The following ZBTB43 variants were observed in gnomAD, a reference collection of about 807,000 sequenced individuals.
The protein encoded by ZBTB43 is zinc finger and BTB domain-containing protein 43.
Under a neutral mutation model 31.1 loss-of-function variants are expected in ZBTB43, and 6 were observed. The ratio of observed to expected loss-of-function variants is 0.19; its 90% CI spans 0.11 to 0.38. The LOEUF (loss-of-function observed/expected upper bound fraction) is 0.38. ZBTB43 is among the 10% of genes least tolerant of loss of function. ZBTB43 has a pLI of 1.00. For missense variants in ZBTB43, 379 were observed against 602.1 expected (o/e 0.63, Z 3.88); for synonymous variants, 212 against 221.7 (o/e 0.96, Z 0.39).
At chr9:126,832,384 G>A in intron 2 of ZBTB43, 103 bp from the exon 3 acceptor site, 1 of 1,130,826 alleles carries the variant, frequency 8.8e-7, no homozygotes, top group Non-Finnish European at 1.2e-6. Context: ...CCATAGGCTA[G>A]AGGACTTTGT....
rs200997109 is a variant in ZBTB43, at chr9:126,832,656, C to T, written c.147C>T (p.Ala49=). Residue 49 remains alanine, a synonymous_variant, in exon 3 of 3, where the codon GCC becomes GCT. Transcript: ENST00000373464. ...GCCACATTTTCCGGGCACACAAAGC[C>T]GTTCTTGCTGCCAGTTCACCCTACT... ...VQGHIFRAHK[A]VLAASSPYFC... is the part of the protein sequence containing the mutation. The T allele has an allele frequency of 2.1e-5, 34 of 1,614,138 alleles. No homozygotes were observed. Among genetic ancestry groups the T allele is most frequent in the South Asian group, 5.5e-5 (5 of 91,080 alleles).
intron 2 of ZBTB43, among the ~76,000 whole-genome samples, chr9:126,817,612 A>T (rs2032417402): frequency 6.6e-6 from 1 of 151,844 alleles, no homozygotes; most frequent in Admixed American, 6.6e-5. Flanking sequence ...AGCAGCTGGG[A>T]CTACAGGTGC....
At chr9:126,817,943 T>C (rs552531925) in intron 2 of ZBTB43, among the ~76,000 whole-genome samples, 225 of 152,250 alleles carry the variant, frequency 1.5e-3, no homozygotes, top group African/African-American at 5.2e-3. Flanking sequence ...AAATGCCATA[T>C]TCACCCAAAG....
chr9:126,832,351 T>C, intron 2 of ZBTB43, 136 bp from the exon 3 acceptor site: 1 of 781,100 alleles, frequency 1.3e-6, no homozygotes, highest in South Asian at 1.9e-5. Flanking sequence ...GCTCTAGGGA[T>C]TGAATCCCTT....
rs9792658 is a variant in ZBTB43, at chr9:126,817,947, C to T, written c.-24+9032C>T. 0.022 allele frequency among the ~76,000 whole-genome samples: 3,317 copies of T among 152,060 alleles called. 425 individuals are homozygous for T. The East Asian group carries it at 0.38, about 17-fold the overall frequency. On this transcript the variant is annotated intron_variant, in intron 2 of 2. Coordinates refer to ENST00000373464, the MANE Select transcript of ZBTB43 (RefSeq NM_014007.4). ...AGAATATGGAGAAATGCCATATTCA[C>T]CCAAAGTTAAGGGCAAGGATTTTTG...
In ZBTB43 at chr9:126,834,167, C is replaced by G; in HGVS notation, c.*254C>G. 2.7e-6 allele frequency: 1 copy of G among 375,052 alleles called. No homozygotes were observed. The highest frequency in any genetic ancestry group is 5.0e-6 in the Non-Finnish European group (1 of 198,888). The allele number at this position is 375,052 out of a possible 1,614,324, so 23.2% of individuals were successfully genotyped here. ...CCGCCCAGCTGGCAAGGGAAACCTT[C>G]TGACTGGTTGTGATCGAAACAGGTG... On this transcript the variant is annotated 3_prime_UTR_variant, in exon 3 of 3. Transcript: ENST00000373464.
Position 126,838,171 on chromosome 9 carries a change from T to TTG in ZBTB43, c.*4258_*4259insTG, listed in dbSNP as rs941366886. 1.2e-5 allele frequency: 2 copies of TTG among 164,530 alleles called. No individual in the cohort carries two copies. Among genetic ancestry groups the TTG allele is most frequent in the African/African-American group, 4.8e-5 (2 of 41,476 alleles). 10.2% of individuals were successfully genotyped at this position (164,530 alleles called of 1,614,324 possible). A position where few individuals can be genotyped will look rare whatever the true frequency, so the allele number is the denominator to read the frequency against. ...ATAGAAGAGATCATGCCCTTTTGTATGACATGTTTTAATAAATGTTATCTG... is the reference window on the plus strand; with the variant it reads ...ATAGAAGAGATCATGCCCTTTTGTATTGGACATGTTTTAATAAATGTTATCTG... On this transcript the variant is annotated 3_prime_UTR_variant, in exon 3 of 3. Transcript: ENST00000373464.
intron 2 of ZBTB43, among the ~76,000 whole-genome samples, chr9:126,828,629 AAATAATAATAAT>A (rs369536989): frequency 1.4e-5 from 2 of 141,108 alleles, no homozygotes; most frequent in African/African-American, 5.3e-5. Context: ...CCCCATCTCT[AAATAATAATAAT>A]AATAATAATA....
chr9:126,834,281 C>G lies in ZBTB43; in HGVS notation c.*368C>G, dbSNP rs1331160820. ...TTTGGATCACTCATTATTACAAGGT[C>G]ATGCTGAAATTTTATTTTGCTCTTG... On this transcript the variant is annotated 3_prime_UTR_variant, in exon 3 of 3. Coordinates refer to ENST00000373464, the MANE Select transcript of ZBTB43 (RefSeq NM_014007.4). 1 of 189,058 alleles carries G rather than the reference C, an allele frequency of 5.3e-6. No individual in the cohort carries two copies. Among genetic ancestry groups the G allele is most frequent in the African/African-American group, 2.4e-5 (1 of 42,242 alleles). The allele number at this position is 189,058 out of a possible 1,614,324, so 11.7% of individuals were successfully genotyped here. A position where few individuals can be genotyped will look rare whatever the true frequency, so the allele number is the denominator to read the frequency against.
rs1438006963 is a variant in ZBTB43, at chr9:126,833,234, G to A, written c.725G>A (p.Arg242His). 10 of 1,613,584 alleles carry A rather than the reference G, an allele frequency of 6.2e-6. No individual in the cohort carries two copies. Among genetic ancestry groups the A allele is most frequent in the Middle Eastern group, 1.6e-4 (1 of 6,062 alleles). The stretch of plus-strand genomic sequence containing the variant: ...AAGCCCAGCATCATGGCTCACAAAC[G>A]CTGGATCCACGTGAAGCCCGAGCGC... ...YSKPSIMAHK[R>H]WIHVKPERLE... The change falls in exon 3 of 3, where the codon CGC (arginine) becomes CAC (histidine). Residue 242 changes from arginine (R) to histidine (H), a missense_variant. Physicochemically the swap from Arg to His is conservative, Grantham distance 29 (BLOSUM62 0). This residue lies in a region of ZBTB43 where 253 missense variants were observed against 322.3 expected (regional missense o/e 0.79). Coordinates refer to ENST00000373464, the MANE Select transcript of ZBTB43 (RefSeq NM_014007.4). The surrounding 1 kb of genome is among the most constrained non-coding windows in gnomAD (Gnocchi z 7.9).
intron 1 of ZBTB43, among the ~76,000 whole-genome samples, chr9:126,806,385 C>T (rs1446437280): frequency 3.3e-5 from 5 of 152,200 alleles, no homozygotes; most frequent in African/African-American, 9.7e-5. Context: ...AAATAAACCA[C>T]ACACAAAAGG....
At chr9:126,814,449 T>A (rs1315996621) in intron 2 of ZBTB43, among the ~76,000 whole-genome samples, 2 of 151,508 alleles carry the variant, frequency 1.3e-5, no homozygotes, top group African/African-American at 2.4e-5. Flanking sequence ...TTTTTTTTTT[T>A]AAACTTTTGA....
chr9:126,809,099 T>C (rs1333979416), intron 2 of ZBTB43, among the ~76,000 whole-genome samples, 184 bp downstream of exon 2: 1 of 152,258 alleles, frequency 6.6e-6, no homozygotes, highest in Non-Finnish European at 1.5e-5. Flanking sequence ...TTTGCACTGA[T>C]AGAACATTTA....
rs1260943536 is a variant in ZBTB43 at position 126,835,451 on chromosome 9, AAAT to A, written c.*1542_*1544del. On this transcript the variant is annotated 3_prime_UTR_variant, in exon 3 of 3. Transcript: ENST00000373464. ...TAGAAACTTTTTTTTCTTAAAATAA[AAAT>A]AATTTTTCTTGGATTTGGGGTGAAA... is the stretch of plus-strand genomic sequence containing the variant. 6.0e-6 allele frequency: 1 copy of A among 166,978 alleles called. No individual in the cohort carries two copies. The highest frequency in any genetic ancestry group is 2.4e-5 in the African/African-American group (1 of 41,428). The allele number at this position is 166,978 out of a possible 1,614,324, so 10.3% of individuals were successfully genotyped here.
rs534432749 is a variant in ZBTB43 at position 126,837,173 on chromosome 9, G to C, written c.*3260G>C. On this transcript the variant is annotated 3_prime_UTR_variant, in exon 3 of 3. Transcript: ENST00000373464. Reference sequence around the variant, plus strand: ...AGATACACACGTTACAGTAATCCACGTGGTGAAGTGCATGTCACCGTTAAC... The same window carrying C: ...AGATACACACGTTACAGTAATCCACCTGGTGAAGTGCATGTCACCGTTAAC... The C allele has an allele frequency of 6.0e-6, 1 of 166,978 alleles. No individual in the cohort carries two copies. The highest frequency in any genetic ancestry group is 1.9e-4 in the East Asian group (1 of 5,168). 10.3% of individuals were successfully genotyped at this position (166,978 alleles called of 1,614,324 possible).
intron 2 of ZBTB43, among the ~76,000 whole-genome samples, chr9:126,811,979 G>T (rs2032260442): frequency 6.7e-6 from 1 of 148,980 alleles, no homozygotes; most frequent in Non-Finnish European, 1.5e-5. Context: ...TAATAAAGAG[G>T]TTTTTTTTTT....
chr9:126,809,502 A>G (rs751271443), intron 2 of ZBTB43, among the ~76,000 whole-genome samples: 2 of 152,234 alleles, frequency 1.3e-5, no homozygotes, highest in African/African-American at 2.4e-5. Flanking sequence ...GGACTTCACA[A>G]TAAGTAGCTG....
At chr9:126,822,269 C>G (rs1178639935) in intron 2 of ZBTB43, among the ~76,000 whole-genome samples, 1 of 151,228 alleles carries the variant, frequency 6.6e-6, no homozygotes, top group Non-Finnish European at 1.5e-5. Context: ...AAAAATTGGA[C>G]ACCCCTGATT....
intron 2 of ZBTB43, among the ~76,000 whole-genome samples, chr9:126,815,066 T>C (rs186996977): frequency 6.6e-6 from 1 of 151,788 alleles, no homozygotes; most frequent in Non-Finnish European, 1.5e-5. Flanking sequence ...TCATGTTTCT[T>C]GTGCTTGGAG....
Sources: allele counts gnomAD v4.1 joint callset (sites outside exome capture counted in the v4.1 genomes callset), GRCh38; gene constraint gnomAD v4.1.1; regional missense constraint gnomAD v4.1.1; non-coding constraint Gnocchi (gnomAD v3.1); transcripts MANE v1.5; gene names NCBI Gene and HGNC (gene_info 2026-07-23, HGNC 2026-07-21).